The following PTPRG variants were observed in gnomAD, a reference collection of about 807,000 sequenced individuals.
PTPRG encodes the protein protein tyrosine phosphatase receptor type G.
Under a neutral mutation model 165.3 loss-of-function variants are expected in PTPRG, and 102 were observed. That is an observed-to-expected ratio of 0.62 (90% confidence interval 0.53 to 0.73). The LOEUF is 0.73. Among genes scored for constraint, PTPRG ranks in the 30% least tolerant of loss-of-function variants. PTPRG has a pLI of 0.00. For synonymous variants in PTPRG, 675 were observed against 669.5 expected, an observed-to-expected ratio of 1.01 and a Z score of -0.13; for missense variants, 1,866 against 1,861.4, an observed-to-expected ratio of 1.00 and a Z score of -0.05.
At chr3:61,860,339 G>C (rs1575729458) in intron 2 of PTPRG, among the ~76,000 whole-genome samples, 1 of 143,688 alleles carries the variant, frequency 7.0e-6, no homozygotes, top group South Asian at 2.3e-4. Flanking sequence ...TTCCTTCCCA[G>C]CCCGTGAAAG....
chr3:62,212,773 A>G (rs1216312750), intron 12 of PTPRG, among the ~76,000 whole-genome samples: 1 of 152,216 alleles, frequency 6.6e-6, no homozygotes, highest in Non-Finnish European at 1.5e-5. Flanking sequence ...TTTGTTGCCA[A>G]CCTTGAACAT....
chr3:61,884,950 A>G (rs1207408175), intron 2 of PTPRG, among the ~76,000 whole-genome samples: 4 of 152,184 alleles, frequency 2.6e-5, no homozygotes, highest in Admixed American at 6.5e-5. Flanking sequence ...GGGATGCCTC[A>G]GGTTTAATCA....
chr3:61,918,175 A>G (rs1193450647), intron 2 of PTPRG, among the ~76,000 whole-genome samples: 1 of 152,192 alleles, frequency 6.6e-6, no homozygotes, highest in Non-Finnish European at 1.5e-5. Flanking sequence ...GGAAGACACT[A>G]ATCAAAAAAA....
At chr3:61,861,125 TA>T (rs2037258295) in intron 2 of PTPRG, among the ~76,000 whole-genome samples, 1 of 152,356 alleles carries the variant, frequency 6.6e-6, no homozygotes, top group South Asian at 2.1e-4. Context: ...TTGTTGAAGA[TA>T]TCAATCATTG....
chr3:62,267,460 C>A lies in PTPRG; in HGVS notation c.2707C>A (p.His903Asn), dbSNP rs1559731470. 1 of 1,612,060 alleles carries A rather than the reference C, an allele frequency of 6.2e-7. No individual in the cohort carries two copies. The highest frequency in any genetic ancestry group is 8.5e-7 in the Non-Finnish European group (1 of 1,178,438). ...ACCTTTACCAGGAAAAGACTCTAAGCACAGCGACTACATTAATGCAAACTA... is the reference window on the plus strand; with the variant it reads ...ACCTTTACCAGGAAAAGACTCTAAGAACAGCGACTACATTAATGCAAACTA... ...LRPLPGKDSK[H>N]SDYINANYVD... Residue 903 changes from histidine to asparagine, a missense_variant, in exon 18 of 30, where the codon CAC becomes AAC. Physicochemically the swap from His to Asn is moderately conservative, Grantham distance 68. Around this residue, in one of 3 missense-constraint regions of PTPRG, gnomAD observed 1,452 missense variants for 1,463.0 expected, o/e 0.99. Coordinates refer to ENST00000474889, the MANE Select transcript of PTPRG (RefSeq NM_002841.4).
intron 5 of PTPRG, among the ~76,000 whole-genome samples, chr3:62,093,596 G>A (rs769533958): frequency 4.6e-5 from 7 of 152,174 alleles, no homozygotes; most frequent in East Asian, 1.9e-4. Context: ...GACGGTATAC[G>A]TTTTCATGCT....
At chr3:61,854,427 A>G (rs1398001746) in intron 2 of PTPRG, among the ~76,000 whole-genome samples, 1 of 152,138 alleles carries the variant, frequency 6.6e-6, no homozygotes, top group Non-Finnish European at 1.5e-5. Flanking sequence ...CAAAAAATTG[A>G]TTCCTCTGTC....
chr3:62,109,131 C>T (rs191063259), intron 5 of PTPRG, among the ~76,000 whole-genome samples: 3 of 152,288 alleles, frequency 2.0e-5, no homozygotes, highest in Admixed American at 2.0e-4. Flanking sequence ...TGCCTATGTC[C>T]TGAATGGTAT....
chr3:61,672,734 GGGAGAGGGAGA>G (rs1703061063), intron 1 of PTPRG, among the ~76,000 whole-genome samples: 1 of 7,862 alleles, frequency 1.3e-4, no homozygotes, highest in African/African-American at 2.8e-4. Flanking sequence ...GGAGACTGTG[GGGAGAGGGAGA>G]GGGAGAGGGA....
intron 7 of PTPRG, among the ~76,000 whole-genome samples, chr3:62,164,924 C>G (rs934021267): frequency 4.6e-5 from 7 of 152,188 alleles, no homozygotes; most frequent in African/African-American, 1.7e-4. Context: ...AGAGATTAAA[C>G]TATTTTGGGA....
chr3:61,598,373 G>A (rs1286252995), intron 1 of PTPRG, among the ~76,000 whole-genome samples: 2 of 152,166 alleles, frequency 1.3e-5, no homozygotes, highest in African/African-American at 4.8e-5. Flanking sequence ...GTGAGGCAGC[G>A]CAGCTAGTGT....
rs3073630 is a variant in PTPRG at position 62,146,631 on chromosome 3, T to TAAA, written c.683-10423_683-10421dup. Reference sequence around the variant, plus strand: ...GCTCATATGTATTGCCTGTTGCTTTTAAAAAAAAAAAAAAATACGCCGCCC... The same window carrying TAAA: ...GCTCATATGTATTGCCTGTTGCTTTTAAAAAAAAAAAAAAAAAATACGCCGCCC... On this transcript the variant is annotated intron_variant, in intron 6 of 29. Coordinates refer to ENST00000474889, the MANE Select transcript of PTPRG (RefSeq NM_002841.4). Among the ~76,000 whole-genome samples, 1,119 of 146,244 alleles carry TAAA rather than the reference T, an allele frequency of 7.7e-3. 10 individuals carry two copies. Among genetic ancestry groups the TAAA allele is most frequent in the African/African-American group, 0.025 (1,003 of 39,954 alleles).
rs184145052 is a variant in PTPRG, at chr3:61,917,345, G to A, written c.191-72280G>A. On this transcript the variant is annotated intron_variant, in intron 2 of 29. Transcript: ENST00000474889. ...TCCAATTAGAATAAAGTCTATTATC[G>A]TTTTGGTACCTTGGAATGAAATGGA... 9.2e-5 allele frequency among the ~76,000 whole-genome samples: 14 copies of A among 152,232 alleles called. No individual in the cohort carries two copies. The East Asian group carries it at 1.7e-3, about 19-fold the overall frequency.
intron 2 of PTPRG, among the ~76,000 whole-genome samples, chr3:61,920,040 G>A (rs2039039710): frequency 6.6e-6 from 1 of 152,224 alleles, no homozygotes. Flanking sequence ...ACCAGCTACA[G>A]AAGTGCTTGT....
chr3:61,578,632 A>C (rs1700218247), intron 1 of PTPRG, among the ~76,000 whole-genome samples: 1 of 152,234 alleles, frequency 6.6e-6, no homozygotes, highest in Non-Finnish European at 1.5e-5. Context: ...TTGGAAATTA[A>C]AATGTGGAGA....
At chr3:61,690,547 C>T (rs1386888558) in intron 1 of PTPRG, among the ~76,000 whole-genome samples, 1 of 152,212 alleles carries the variant, frequency 6.6e-6, no homozygotes, top group Non-Finnish European at 1.5e-5. Flanking sequence ...CCACAACTAA[C>T]TGTTTAAGCT....
At chr3:62,287,677 ATAAAG>A (rs541726463) in intron 28 of PTPRG, among the ~76,000 whole-genome samples, 7 of 152,190 alleles carry the variant, frequency 4.6e-5, no homozygotes, top group Non-Finnish European at 8.8e-5. Context: ...TAAAAACAGA[ATAAAG>A]TATTCAGTTC....
intron 8 of PTPRG, among the ~76,000 whole-genome samples, chr3:62,173,159 T>G (rs536489941): frequency 1.3e-5 from 2 of 152,210 alleles, no homozygotes; most frequent in African/African-American, 2.4e-5. Flanking sequence ...ACTTATAATA[T>G]TAATACAATG....
chr3:62,165,419 C>T (rs1704933727), intron 7 of PTPRG, among the ~76,000 whole-genome samples: 1 of 152,140 alleles, frequency 6.6e-6, no homozygotes, highest in South Asian at 2.1e-4. Flanking sequence ...GGTGATTTTT[C>T]AGCATCTTTA....
Sources: gnomAD v4.1 joint callset for allele counts (sites outside exome capture counted in the v4.1 genomes callset) on GRCh38, gnomAD v4.1.1 for gene constraint, gnomAD v4.1.1 regional missense constraint, MANE v1.5 for transcripts, NCBI Gene and HGNC (gene_info 2026-07-23, HGNC 2026-07-21) for gene names.